The following XYLT1 variants were observed in gnomAD, a reference collection of about 807,000 sequenced individuals.
XYLT1 encodes beta-D-xylosyltransferase 1.
A neutral mutation model predicts 91.3 loss-of-function variants in XYLT1; 36 were observed. That is an observed-to-expected ratio of 0.39 (90% CI 0.30 to 0.52). The LOEUF (loss-of-function observed/expected upper bound fraction) is 0.52. XYLT1 is among the 20% of genes least tolerant of loss of function. The probability of loss-of-function intolerance (pLI) is 0.68; values close to 1 mark genes in which losing one functional copy is unlikely to be tolerated. For missense variants in XYLT1, 1,242 were observed against 1,284.5 expected, an observed-to-expected ratio of 0.97 and a Z score of 0.51; for synonymous variants, 588 against 532.0, an observed-to-expected ratio of 1.11 and a Z score of -1.45.
chr16:17,130,891 T>G (rs1242887441), intron 9 of XYLT1, among the ~76,000 whole-genome samples: 1 of 152,232 alleles, frequency 6.6e-6, no homozygotes, highest in African/African-American at 2.4e-5. Flanking sequence ...AGCCCCCTTT[T>G]GTTTCCTGCT....
chr16:17,428,056 T>C (rs975402927), intron 1 of XYLT1, among the ~76,000 whole-genome samples: 1 of 152,150 alleles, frequency 6.6e-6, no homozygotes, highest in Non-Finnish European at 1.5e-5. Context: ...AGTGGTGTGA[T>C]TTCGGCTCAC....
intron 2 of XYLT1, among the ~76,000 whole-genome samples, chr16:17,262,860 T>A (rs955840543): frequency 6.6e-6 from 1 of 152,140 alleles, no homozygotes. Context: ...GTCTAACTCA[T>A]CCCGATTAAT....
chr16:17,446,701 A>T (rs566637630), intron 1 of XYLT1, among the ~76,000 whole-genome samples: 29 of 152,314 alleles, frequency 1.9e-4, no homozygotes, highest in South Asian at 1.0e-3. Flanking sequence ...CATCGTCTGC[A>T]TTACAAGGAA....
At chr16:17,264,094 A>G (rs2033766106) in intron 2 of XYLT1, among the ~76,000 whole-genome samples, 1 of 152,172 alleles carries the variant, frequency 6.6e-6, no homozygotes, top group African/African-American at 2.4e-5. Flanking sequence ...TGCAACATAC[A>G]GCAAATTGTT....
At chr16:17,310,343 C>G (rs2034527561) in intron 2 of XYLT1, among the ~76,000 whole-genome samples, 1 of 152,170 alleles carries the variant, frequency 6.6e-6, no homozygotes, top group Admixed American at 6.5e-5. Context: ...GGAAAGGCTC[C>G]TGTTCCCTTT....
At chr16:17,287,449 A>T (rs2034158954) in intron 2 of XYLT1, among the ~76,000 whole-genome samples, 1 of 152,196 alleles carries the variant, frequency 6.6e-6, no homozygotes. Context: ...ACTCTGCACC[A>T]TGAGACAATT....
chr16:17,431,328 C>T (rs1162409886), intron 1 of XYLT1, among the ~76,000 whole-genome samples: 2 of 152,272 alleles, frequency 1.3e-5, no homozygotes, highest in South Asian at 2.1e-4. Flanking sequence ...AATGCAAATT[C>T]TGACTCAGAA....
At chr16:17,111,662 A>G (rs1966841083) in intron 11 of XYLT1, among the ~76,000 whole-genome samples, 1 of 152,216 alleles carries the variant, frequency 6.6e-6, no homozygotes, top group Non-Finnish European at 1.5e-5. Context: ...ATAGTAGATG[A>G]ATTCAAAATT....
chr16:17,220,652 T>C (rs2032950339), intron 3 of XYLT1, among the ~76,000 whole-genome samples: 1 of 152,110 alleles, frequency 6.6e-6, no homozygotes, highest in African/African-American at 2.4e-5. Context: ...TTTATATCTT[T>C]AGTAGAGATG....
At chr16:17,289,865 C>T (rs1470104977) in intron 2 of XYLT1, among the ~76,000 whole-genome samples, 3 of 152,230 alleles carry the variant, frequency 2.0e-5, no homozygotes, top group Non-Finnish European at 4.4e-5. Flanking sequence ...CACACCCCGT[C>T]TCTGGGGCAA....
At chr16:17,201,728 G>A (rs2032547187) in intron 3 of XYLT1, among the ~76,000 whole-genome samples, 1 of 152,076 alleles carries the variant, frequency 6.6e-6, no homozygotes, top group Non-Finnish European at 1.5e-5. Context: ...TGCCTACCTT[G>A]GCCTCCCAAA....
chr16:17,366,459 C>G (rs764900921), intron 1 of XYLT1, among the ~76,000 whole-genome samples: 1 of 152,148 alleles, frequency 6.6e-6, no homozygotes, highest in Admixed American at 6.5e-5. Flanking sequence ...TCCGTGGAGG[C>G]CAAGGCTGAC....
intron 5 of XYLT1, among the ~76,000 whole-genome samples, chr16:17,180,734 T>TTATA (rs2032049323): frequency 6.6e-6 from 1 of 152,212 alleles, no homozygotes; most frequent in African/African-American, 2.4e-5. Flanking sequence ...TTATAGGCAG[T>TTATA]GGGCCAAGAC....
chr16:17,302,919 G>A (rs760301060), intron 2 of XYLT1, among the ~76,000 whole-genome samples: 1 of 152,004 alleles, frequency 6.6e-6, no homozygotes, highest in African/African-American at 2.4e-5. Context: ...AAGAGAAAGC[G>A]AGAGAGAGCT....
intron 1 of XYLT1, among the ~76,000 whole-genome samples, chr16:17,370,384 C>T (rs1026245788): frequency 6.6e-6 from 1 of 152,216 alleles, no homozygotes; most frequent in Non-Finnish European, 1.5e-5. Context: ...GGGGGACCCT[C>T]GCTCACATGC....
chr16:17,198,513 T>C, intron 4 of XYLT1, 99 bp from the exon 5 acceptor site: 2 of 1,261,074 alleles, frequency 1.6e-6, no homozygotes, highest in Non-Finnish European at 2.2e-6. Context: ...CCCTCCTGGT[T>C]GGGCACTTCT....
rs543916562 is a variant in XYLT1 at position 17,412,831 on chromosome 16, C to T, written c.364-54781G>A. 5.0e-4 allele frequency among the ~76,000 whole-genome samples: 76 copies of T among 152,088 alleles called. 1 individual carries two copies. In the South Asian group the frequency reaches 7.3e-3, roughly 15 times the overall value. On this transcript the variant is annotated intron_variant, in intron 1 of 11. Transcript: ENST00000261381. ...ACAGTTAGAGTGCTTAATTCCTTTC[C>T]GAGATGTTTTCCTAATGGCAGCACT...
intron 3 of XYLT1, among the ~76,000 whole-genome samples, chr16:17,215,127 G>C (rs1308888832): frequency 6.6e-6 from 1 of 152,154 alleles, no homozygotes; most frequent in African/African-American, 2.4e-5. Flanking sequence ...AGGCCGAAGT[G>C]GGTGGGTCAC....
intron 1 of XYLT1, among the ~76,000 whole-genome samples, chr16:17,459,019 G>A (rs1407541146): frequency 1.3e-5 from 2 of 152,124 alleles, no homozygotes; most frequent in Non-Finnish European, 2.9e-5. Flanking sequence ...TATATTTAGA[G>A]TAATGTTTGT....
Sources: gnomAD v4.1 joint callset for allele counts (sites outside exome capture counted in the v4.1 genomes callset) on GRCh38, gnomAD v4.1.1 for gene constraint, MANE v1.5 for transcripts, NCBI Gene and HGNC (gene_info 2026-07-23, HGNC 2026-07-21) for gene names.